The following TDRD3 variants were observed in gnomAD, a reference collection of about 807,000 sequenced individuals.
TDRD3 encodes tudor domain containing 3.
TDRD3 carries 45 observed loss-of-function variants against 86.7 expected under a neutral mutation model. The ratio of observed to expected loss-of-function variants is 0.52; its 90% CI spans 0.41 to 0.67. The LOEUF (loss-of-function observed/expected upper bound fraction) is 0.67, where lower values mean the gene tolerates loss of function less well. Ranked by LOEUF, TDRD3 falls within the 30% of genes least tolerant of loss-of-function variation. TDRD3 has a pLI of 0.00. For synonymous variants in TDRD3, 298 were observed against 301.7 expected (o/e 0.99, Z 0.13); for missense variants, 814 against 889.0 (o/e 0.92, Z 1.07).
chr13:60,535,722 TTAAC>T (rs1957684888), intron 12 of TDRD3: 1 of 152,242 alleles, frequency 6.6e-6, no homozygotes, highest in Non-Finnish European at 1.5e-5. Flanking sequence ...TATGTACAGA[TTAAC>T]TATAAATTAT....
chr13:60,546,900 G>A (rs184012934), intron 12 of TDRD3, among the ~76,000 whole-genome samples: 17 of 152,214 alleles, frequency 1.1e-4, no homozygotes, highest in African/African-American at 4.1e-4. Flanking sequence ...TGGTTTTGGT[G>A]TAACGTCTTC....
intron 13 of TDRD3, among the ~76,000 whole-genome samples, chr13:60,569,474 G>A (rs895355302): frequency 5.9e-5 from 9 of 152,080 alleles, no homozygotes; most frequent in Non-Finnish European, 1.3e-4. Flanking sequence ...TAGAAGAATC[G>A]ATAGTGTTAA....
rs1188418970 is a variant in TDRD3, at chr13:60,522,933, T to C, written c.1142-5434T>C. ...GGCATAATGGAAAAATCATGTGTTT[T>C]AGCTTCAGTTAGATTTCAGTTTAAT... On this transcript the variant is annotated intron_variant, in intron 10 of 13. Coordinates refer to ENST00000377881, the MANE Select transcript of TDRD3 (RefSeq NM_001146070.2). Among the ~76,000 whole-genome samples the C allele has an allele frequency of 3.9e-5, 6 of 152,220 alleles. 1 individual carries two copies. Among genetic ancestry groups the C allele is most frequent in the Admixed American group, 3.9e-4 (6 of 15,278 alleles).
At position 60,529,217 on chromosome 13, in the gene TDRD3, G is replaced by T; in HGVS notation, c.1992G>T (p.Lys664Asn). Residue 664 changes from lysine (K) to asparagine (N), a missense_variant and splice_region_variant, in exon 11 of 14, where the codon AAG becomes AAT. Coordinates refer to ENST00000377881, the MANE Select transcript of TDRD3 (RefSeq NM_001146070.2). The part of the protein sequence containing the change: ...ECFALYWEDN[K>N]FYRAEVEALH... ...TTGCACTTTATTGGGAAGACAACAA[G>T]GTATGGATGCTTTAAAGATATTATA... The T allele has an allele frequency of 6.3e-7, 1 of 1,579,960 alleles. No homozygotes were observed. The highest frequency in any genetic ancestry group is 1.9e-5 in the Admixed American group (1 of 53,518).
chr13:60,423,906 A>C (rs1157219653), intron 1 of TDRD3, among the ~76,000 whole-genome samples: 1 of 152,180 alleles, frequency 6.6e-6, no homozygotes. Flanking sequence ...AGGAAGAAAA[A>C]TAATAACTAT....
intron 8 of TDRD3, among the ~76,000 whole-genome samples, chr13:60,496,391 A>T (rs1174244275): frequency 1.4e-5 from 2 of 139,632 alleles, no homozygotes; most frequent in African/African-American, 5.3e-5. Flanking sequence ...AGATTTTGGT[A>T]CCAGGAGTGG....
intron 7 of TDRD3, among the ~76,000 whole-genome samples, chr13:60,492,921 T>C (rs1566240222): frequency 6.9e-6 from 1 of 144,568 alleles, no homozygotes; most frequent in Non-Finnish European, 1.5e-5. Context: ...TCTTTTCTTT[T>C]TTTTTTTTTT....
At chr13:60,572,554 G>T (rs1958609539) in intron 13 of TDRD3, among the ~76,000 whole-genome samples, 1 of 152,192 alleles carries the variant, frequency 6.6e-6, no homozygotes, top group African/African-American at 2.4e-5. Context: ...GGAAGCCTTT[G>T]TAAGACAGAT....
intron 2 of TDRD3, among the ~76,000 whole-genome samples, chr13:60,441,401 A>G (rs944075648): frequency 2.0e-5 from 3 of 152,114 alleles, no homozygotes; most frequent in Non-Finnish European, 4.4e-5. Context: ...CATGCTGACT[A>G]TTATCTGAAT....
At chr13:60,547,493 T>A in intron 12 of TDRD3, 1 of 750,306 alleles carries the variant, frequency 1.3e-6, no homozygotes, top group Non-Finnish European at 1.6e-6. Flanking sequence ...TGACTTTGGG[T>A]AAGTTACCTA....
intron 5 of TDRD3, among the ~76,000 whole-genome samples, chr13:60,482,320 C>T (rs886831721): frequency 1.3e-5 from 2 of 152,110 alleles, no homozygotes; most frequent in African/African-American, 2.4e-5. Flanking sequence ...AGCCATAGCT[C>T]ACCTGTTTTT....
Position 60,460,557 on chromosome 13 carries a change from T to A in TDRD3, c.353+17T>A. On this transcript the variant is annotated intron_variant, in intron 4 of 13. Coordinates refer to ENST00000377881, the MANE Select transcript of TDRD3 (RefSeq NM_001146070.2). ...AAAAATAAGGTGATTGGCACTTTAT[T>A]TTGTGTATTTGTTACAGAATGTTGA... The A allele has an allele frequency of 6.6e-7, 1 of 1,523,542 alleles. No homozygotes were observed. The allele number at this position is 1,523,542 out of a possible 1,614,324, so 94.4% of individuals were successfully genotyped here. A position where few individuals can be genotyped will look rare whatever the true frequency, so the allele number is the denominator to read the frequency against.
Position 60,494,579 on chromosome 13 carries a change from A to G in TDRD3, c.858+4A>G. ...TGAAGGTGTCTATAGAGAACTGGTA[A>G]GGCTAAAGAACTAACCACAAATTTA... On this transcript the variant is annotated splice_donor_region_variant and intron_variant, in intron 8 of 13. Coordinates refer to ENST00000377881, the MANE Select transcript of TDRD3 (RefSeq NM_001146070.2). The G allele has an allele frequency of 6.2e-7, 1 of 1,609,670 alleles. No individual in the cohort carries two copies. Among genetic ancestry groups the G allele is most frequent in the East Asian group, 2.2e-5 (1 of 44,760 alleles).
chr13:60,468,832 AT>A (rs1441490124), intron 5 of TDRD3, among the ~76,000 whole-genome samples: 2 of 152,216 alleles, frequency 1.3e-5, no homozygotes, highest in Non-Finnish European at 2.9e-5. Flanking sequence ...CACATAAAAA[AT>A]ATTTGTGGAA....
intron 8 of TDRD3, among the ~76,000 whole-genome samples, chr13:60,502,847 G>C (rs1194427319): frequency 6.6e-6 from 1 of 152,170 alleles, no homozygotes; most frequent in East Asian, 1.9e-4. Context: ...TCAAAGCCTT[G>C]ATAAAATAAC....
At chr13:60,488,729 G>A (rs1011550380) in intron 7 of TDRD3, among the ~76,000 whole-genome samples, 14 of 151,842 alleles carry the variant, frequency 9.2e-5, no homozygotes, top group African/African-American at 2.9e-4. Context: ...GTGCACCACC[G>A]TGTCTGGCTA....
At chr13:60,501,673 T>C (rs1956835810) in intron 8 of TDRD3, among the ~76,000 whole-genome samples, 1 of 150,672 alleles carries the variant, frequency 6.6e-6, no homozygotes, top group Admixed American at 6.6e-5. Context: ...ATTTTATGAC[T>C]TCCCCAAACC....
At chr13:60,520,214 A>G (rs1011743903) in intron 10 of TDRD3, among the ~76,000 whole-genome samples, 2 of 152,238 alleles carry the variant, frequency 1.3e-5, no homozygotes, top group African/African-American at 4.8e-5. Context: ...GAATAATTAT[A>G]CAAATTATAA....
chr13:60,421,355 GCTTA>G (rs1566178519), intron 1 of TDRD3, among the ~76,000 whole-genome samples: 3 of 152,094 alleles, frequency 2.0e-5, no homozygotes, highest in East Asian at 1.9e-4. Flanking sequence ...ATCTCATGAG[GCTTA>G]CTTACTATCA....
Sources: gnomAD v4.1 joint callset for allele counts (sites outside exome capture counted in the v4.1 genomes callset) on GRCh38, gnomAD v4.1.1 for gene constraint, MANE v1.5 for transcripts, NCBI Gene and HGNC (gene_info 2026-07-23, HGNC 2026-07-21) for gene names.